The following PLIN4 variants were observed in gnomAD, a reference collection of about 807,000 sequenced individuals.
PLIN4 encodes perilipin-4.
PLIN4 carries 57 observed loss-of-function variants against 52.4 expected under a neutral mutation model. The ratio of observed to expected loss-of-function variants is 1.09; its 90% CI spans 0.88 to 1.36. The LOEUF is 1.36. Ranked by LOEUF, PLIN4 falls within the 40% of genes most tolerant of loss-of-function variation. The probability of loss-of-function intolerance (pLI) is 0.00; values close to 1 mark genes in which losing one functional copy is unlikely to be tolerated. For synonymous variants in PLIN4, 826 were observed against 785.4 expected, an observed-to-expected ratio of 1.05 and a Z score of -0.86; for missense variants, 1,757 against 1,770.3, an observed-to-expected ratio of 0.99 and a Z score of 0.13.
rs371720005 is a variant in PLIN4 at position 4,512,951 on chromosome 19, C to T, written c.1009G>A (p.Val337Ile). The change falls in exon 5 of 8, where the codon GTC becomes ATC. Residue 337 changes from valine to isoleucine, a missense_variant. By Grantham distance (29) the Val-to-Ile change is conservative. Coordinates refer to ENST00000301286, the MANE Select transcript of PLIN4 (RefSeq NM_001367868.2). ...ATGGCACCAGTCACCCCACTACAGA[C>T]GGTGTCCTTGGTACCTGTTAGGACA... Reference protein sequence around the residue: ...KTVLTGTKDTVCSGVTGAMNV... With the variant: ...KTVLTGTKDTICSGVTGAMNV... 2.2e-5 allele frequency: 16 copies of T among 729,740 alleles called. No homozygotes were observed. Among genetic ancestry groups the T allele is most frequent in the Non-Finnish European group, 3.3e-5 (14 of 423,702 alleles). 45.2% of individuals were successfully genotyped at this position (729,740 alleles called of 1,614,324 possible).
rs2145292762 is a variant in PLIN4, at chr19:4,513,351, G to T, written c.609C>A (p.Asp203Glu). The T allele has an allele frequency of 6.2e-7, 1 of 1,613,280 alleles. No homozygotes were observed. Among genetic ancestry groups the T allele is most frequent in the East Asian group, 2.2e-5 (1 of 44,866 alleles). The part of the protein sequence containing the change: ...TTKTVLTGTK[D>E]TVTTGVMGAV... ...CCCCCATGACCCCAGTAGTCACTGT[G>T]TCTTTGGTGCCGGTCAGCACAGTCT... Residue 203 changes from aspartate to glutamate, a missense_variant, in exon 5 of 8, where the codon GAC becomes GAA. Coordinates refer to ENST00000301286, the MANE Select transcript of PLIN4 (RefSeq NM_001367868.2).
chr19:4,510,642 G>T lies in PLIN4; in HGVS notation c.3318C>A (p.Ala1106=). Residue 1106 remains alanine, a synonymous_variant, in exon 5 of 8, where the codon GCC becomes GCA. Transcript: ENST00000301286. ...CCTTGGTAGTGGCTGCGGCTTCCCA[G>T]GCAGGCTCCGGGCCTACACTGAGCA... ...PDVLSVGPEP[A]WEAAATTKGL... is the part of the protein sequence containing the mutation. 1 of 1,506,560 alleles carries T rather than the reference G, an allele frequency of 6.6e-7. No individual in the cohort carries two copies. 93.3% of individuals were successfully genotyped at this position (1,506,560 alleles called of 1,614,324 possible).
At position 4,502,221 on chromosome 19, in the gene PLIN4, T is replaced by C; in HGVS notation, c.*2238A>G. 3 of 654,724 alleles carry C rather than the reference T, an allele frequency of 4.6e-6. No homozygotes were observed. Among genetic ancestry groups the C allele is most frequent in the Non-Finnish European group, 8.2e-6 (3 of 363,834 alleles). The allele number at this position is 654,724 out of a possible 1,614,324, so 40.6% of individuals were successfully genotyped here. ...TTAATGAAAAAAGAAATCACTTTTATTGGCTTGGTTTTCTAGCATTGCTGG... is the reference window on the plus strand; with the variant it reads ...TTAATGAAAAAAGAAATCACTTTTACTGGCTTGGTTTTCTAGCATTGCTGG... On this transcript the variant is annotated 3_prime_UTR_variant, in exon 8 of 8. Transcript: ENST00000301286.
intron 4 of PLIN4, 139 bp from the exon 5 acceptor site, chr19:4,513,840 A>G (rs1400926936): frequency 1.8e-6 from 2 of 1,124,896 alleles, no homozygotes; most frequent in Non-Finnish European, 2.4e-6. Context: ...TCAAAAAGCA[A>G]GCTGCTTCCT....
chr19:4,515,374 T>C (rs559004143), intron 4 of PLIN4, among the ~76,000 whole-genome samples: 45 of 151,406 alleles, frequency 3.0e-4, no homozygotes, highest in Non-Finnish European at 5.8e-4. Flanking sequence ...GGTTCAGTAA[T>C]TTTTCTGCCT....
At chr19:4,510,383 AG>A (rs1439000947) in intron 5 of PLIN4, 62 bp downstream of exon 5, 3 of 1,310,766 alleles carry the variant, frequency 2.3e-6, no homozygotes, top group Non-Finnish European at 2.9e-6. Flanking sequence ...AAAACAAAAC[AG>A]TCAAGGACCT....
chr19:4,513,816 G>A, intron 4 of PLIN4, 115 bp from the exon 5 acceptor site: 1 of 1,317,236 alleles, frequency 7.6e-7, no homozygotes, highest in Non-Finnish European at 1.0e-6. Flanking sequence ...CAGGCACCCA[G>A]AGGCCCCACC....
chr19:4,506,349 G>GC (rs1400757294), intron 6 of PLIN4, among the ~76,000 whole-genome samples: 2 of 152,154 alleles, frequency 1.3e-5, no homozygotes, highest in African/African-American at 4.8e-5. Flanking sequence ...TCACACTCCT[G>GC]CCCATTCTGA....
At chr19:4,515,363 G>A (rs932127971) in intron 4 of PLIN4, among the ~76,000 whole-genome samples, 2 of 151,368 alleles carry the variant, frequency 1.3e-5, no homozygotes, top group Non-Finnish European at 2.9e-5. Context: ...TCCGCCTCCT[G>A]GGTTCAGTAA....
rs577218070 is a variant in PLIN4, at chr19:4,506,004, C to T, written c.3703-1057G>A. Reference sequence around the variant, plus strand: ...TGACTTCGAAACACCCAGAGCCCAGCTACTTCTCACCACCACAGCGTGACT... The same window carrying T: ...TGACTTCGAAACACCCAGAGCCCAGTTACTTCTCACCACCACAGCGTGACT... On this transcript the variant is annotated intron_variant, in intron 6 of 7. Coordinates refer to ENST00000301286, the MANE Select transcript of PLIN4 (RefSeq NM_001367868.2). Among the ~76,000 whole-genome samples, 375 of 152,264 alleles carry T rather than the reference C, an allele frequency of 2.5e-3. 1 individual carries two copies. The highest frequency in any genetic ancestry group is 4.3e-3 in the Non-Finnish European group (293 of 68,000).
At position 4,502,903 on chromosome 19, in the gene PLIN4, G is replaced by A. The variant is rs1975967382; in HGVS notation, c.*1556C>T. ...AATTAGGCTGTGGTGTGGCGGGAAGGGACTTCCTGAGCTGCGGCCCCATGC... is the reference window on the plus strand; with the variant it reads ...AATTAGGCTGTGGTGTGGCGGGAAGAGACTTCCTGAGCTGCGGCCCCATGC... On this transcript the variant is annotated 3_prime_UTR_variant, in exon 8 of 8. Transcript: ENST00000301286. 1 of 152,338 alleles carries A rather than the reference G, an allele frequency of 6.6e-6. No homozygotes were observed. The highest frequency in any genetic ancestry group is 1.5e-5 in the Non-Finnish European group (1 of 68,158). 9.4% of individuals were successfully genotyped at this position (152,338 alleles called of 1,614,324 possible).
intron 6 of PLIN4, 65 bp from the exon 7 acceptor site, chr19:4,505,012 TC>T (rs1216372754): frequency 2.1e-6 from 3 of 1,423,664 alleles, no homozygotes; most frequent in South Asian, 1.2e-5. Context: ...AACCCCCACC[TC>T]CCCCTCCCCC....
intron 6 of PLIN4, among the ~76,000 whole-genome samples, chr19:4,506,538 C>G (rs892683256): frequency 5.3e-5 from 8 of 152,224 alleles, no homozygotes; most frequent in African/African-American, 1.9e-4. Flanking sequence ...CCCCACCCCC[C>G]AAGGGCAGGC....
intron 6 of PLIN4, among the ~76,000 whole-genome samples, chr19:4,505,894 C>A (rs771495982): frequency 1.3e-5 from 2 of 152,022 alleles, no homozygotes; most frequent in African/African-American, 4.8e-5. Context: ...CCTCAGCCCC[C>A]CTGCTCTCCT....
rs148557562 is a variant in PLIN4, at chr19:4,517,487, G to C, written c.196+67C>G. 27 of 1,531,492 alleles carry C rather than the reference G, an allele frequency of 1.8e-5. No homozygotes were observed. In the Admixed American group the frequency reaches 3.1e-4, roughly 18 times the overall value. The allele number at this position is 1,531,492 out of a possible 1,614,324, so 94.9% of individuals were successfully genotyped here. A position where few individuals can be genotyped will look rare whatever the true frequency, so the allele number is the denominator to read the frequency against. On this transcript the variant is annotated intron_variant, in intron 3 of 7. Transcript: ENST00000301286. ...CCCAAATGGCTGGAAGTCCCTGCCC[G>C]GGGAGCTCCTTCTCCCAGGTCCATG... is the stretch of plus-strand genomic sequence containing the variant.
intron 5 of PLIN4, 21 bp downstream of exon 5, chr19:4,510,425 T>G: frequency 7.2e-7 from 1 of 1,391,460 alleles, no homozygotes; most frequent in Non-Finnish European, 9.4e-7. Flanking sequence ...CAGGGACCCA[T>G]GAACCCAGGC....
At position 4,508,833 on chromosome 19, in the gene PLIN4, G is replaced by A; in HGVS notation, c.3637C>T (p.His1213Tyr). The A allele has an allele frequency of 2.5e-6, 4 of 1,607,330 alleles. No individual in the cohort carries two copies. The highest frequency in any genetic ancestry group is 3.4e-6 in the Non-Finnish European group (4 of 1,177,226). The change falls in exon 6 of 8, where the codon CAC becomes TAC. Residue 1213 changes from histidine to tyrosine, a missense_variant. Physicochemically the swap from His to Tyr is moderately conservative, Grantham distance 83. Transcript: ENST00000301286. Reference sequence around the variant, plus strand: ...GCTTGGAACTGGCCGTGCTGCAGGTGGCTCACCGCGTGTTCAAATGCCCGC... The same window carrying A: ...GCTTGGAACTGGCCGTGCTGCAGGTAGCTCACCGCGTGTTCAAATGCCCGC... ...RQRAFEHAVSHLQHGQFQARD... is the reference protein window; with the variant it reads ...RQRAFEHAVSYLQHGQFQARD...
rs200707942 is a variant in PLIN4 at position 4,510,942 on chromosome 19, G to A, written c.3018C>T (p.Ser1006=). ...TVFSGVTGAM[S]MAKGAVQGGL... ...CCCCCTGGACGGCCCCTTTGGCCAT[G>A]CTCATGGCACCGGTAACCCCACTGA... The change falls in exon 5 of 8, where the codon AGC becomes AGT. Residue 1006 remains serine (S), a synonymous_variant. Transcript: ENST00000301286. 2,226 of 1,574,530 alleles carry A rather than the reference G, an allele frequency of 1.4e-3. 2 individuals carry two copies. Among genetic ancestry groups the A allele is most frequent in the Non-Finnish European group, 1.7e-3 (1,983 of 1,162,130 alleles).
chr19:4,509,735 T>TCAC (rs1976227403), intron 5 of PLIN4, among the ~76,000 whole-genome samples: 2 of 138,478 alleles, frequency 1.4e-5, no homozygotes, highest in Non-Finnish European at 3.2e-5. Context: ...AACCCAGGAG[T>TCAC]TTGAGACCAG....
Sources: allele counts gnomAD v4.1 joint callset (sites outside exome capture counted in the v4.1 genomes callset), GRCh38; gene constraint gnomAD v4.1.1; transcripts MANE v1.5; gene names NCBI Gene and HGNC (gene_info 2026-07-23, HGNC 2026-07-21).